Variants in NTRK2 observed in about 807,000 individuals in gnomAD.
NTRK2 encodes the protein neurotrophic receptor tyrosine kinase 2.
A neutral mutation model predicts 94.5 loss-of-function variants in NTRK2; 13 were observed. That is an observed-to-expected ratio of 0.14 (90% CI 0.09 to 0.22). The LOEUF is 0.22. NTRK2 is among the 10% of genes least tolerant of loss of function. The pLI is 1.00. For missense variants in NTRK2, 639 were observed against 1,071.2 expected (o/e 0.60, Z 5.63); for synonymous variants, 372 against 407.4 (o/e 0.91, Z 1.05).
chr9:84,818,701 C>G (rs965291862), intron 12 of NTRK2, among the ~76,000 whole-genome samples: 2 of 152,178 alleles, frequency 1.3e-5, no homozygotes, highest in Admixed American at 6.5e-5. Flanking sequence ...TCTCATCACT[C>G]TTGAACTTTA....
At chr9:84,812,293 G>A (rs1588769409) in intron 12 of NTRK2, 2 of 1,056,992 alleles carry the variant, frequency 1.9e-6, no homozygotes, top group Non-Finnish European at 2.3e-6. Context: ...GCTTGATGAA[G>A]ACCTTTCACA....
intron 14 of NTRK2, among the ~76,000 whole-genome samples, chr9:84,900,653 T>A (rs1442393392): frequency 6.6e-6 from 1 of 152,196 alleles, no homozygotes; most frequent in Non-Finnish European, 1.5e-5. Context: ...TGTGCACTTG[T>A]GAGTCTAACT....
At chr9:84,701,080 C>T (rs1283782803) in intron 2 of NTRK2, among the ~76,000 whole-genome samples, 1 of 152,148 alleles carries the variant, frequency 6.6e-6, no homozygotes, top group African/African-American at 2.4e-5. Context: ...AACTGTAGTA[C>T]AGGGTAGAGT....
chr9:85,008,893 G>T (rs1429058016), intron 17 of NTRK2, among the ~76,000 whole-genome samples: 1 of 152,218 alleles, frequency 6.6e-6, no homozygotes, highest in Admixed American at 6.5e-5. Context: ...CAGCCATAGG[G>T]CTGTTCTCCA....
rs73651153 is a variant in NTRK2 at position 84,947,579 on chromosome 9, G to A, written c.1765-883G>A. 3.4e-3 allele frequency among the ~76,000 whole-genome samples: 513 copies of A among 152,342 alleles called. 5 individuals are homozygous for A. Among genetic ancestry groups the A allele is most frequent in the African/African-American group, 0.011 (474 of 41,574 alleles). ...TAACGTGGATGCATGGGTTTCGAGA[G>A]GAGTGTCAAGGGATTGAGCTGGAGA... is the stretch of plus-strand genomic sequence containing the variant. On this transcript the variant is annotated intron_variant, in intron 15 of 18. Coordinates refer to ENST00000277120, the MANE Select transcript of NTRK2 (RefSeq NM_006180.6).
intron 17 of NTRK2, among the ~76,000 whole-genome samples, chr9:84,974,471 C>G (rs1165460508): frequency 6.6e-6 from 1 of 152,192 alleles, no homozygotes; most frequent in Non-Finnish European, 1.5e-5. Flanking sequence ...TAATTTAGAG[C>G]TGCAGAAGGT....
At chr9:84,907,721 C>G (rs1242635919) in intron 14 of NTRK2, among the ~76,000 whole-genome samples, 1 of 143,196 alleles carries the variant, frequency 7.0e-6, no homozygotes, top group East Asian at 2.1e-4. Flanking sequence ...ACACTCTTTG[C>G]TTTTCCTGGT....
At chr9:84,683,928 C>G (rs1245016219) in intron 2 of NTRK2, among the ~76,000 whole-genome samples, 1 of 152,172 alleles carries the variant, frequency 6.6e-6, no homozygotes, top group Non-Finnish European at 1.5e-5. Context: ...TTGCATTTCT[C>G]TAATGCAATG....
At position 84,792,881 on chromosome 9, in the gene NTRK2, A is replaced by G. The variant is rs117871214; in HGVS notation, c.1396+40796A>G. On this transcript the variant is annotated intron_variant, in intron 12 of 18. Transcript: ENST00000277120. The stretch of plus-strand genomic sequence containing the variant: ...CTAGTCACACTATAAAATAGATATT[A>G]TATAACTTCCCCTAGTCTTAATTTC... 6.6e-5 allele frequency among the ~76,000 whole-genome samples: 10 copies of G among 152,336 alleles called. No individual in the cohort carries two copies. The East Asian group carries it at 1.9e-3, about 29-fold the overall frequency.
In NTRK2 at chr9:84,928,796, G is replaced by T. The variant is rs1010642058; in HGVS notation, c.1634-5366G>T. On this transcript the variant is annotated intron_variant, in intron 14 of 18. Coordinates refer to ENST00000277120, the MANE Select transcript of NTRK2 (RefSeq NM_006180.6). ...GCATTTAGGACCACAGGGAAACCGAGAGAGAGAATTTCGGGAACTCCCAGT... is the reference window on the plus strand; with the variant it reads ...GCATTTAGGACCACAGGGAAACCGATAGAGAGAATTTCGGGAACTCCCAGT... Among the ~76,000 whole-genome samples, 2 of 152,170 alleles carry T rather than the reference G, an allele frequency of 1.3e-5. 1 individual carries two copies. The highest frequency in any genetic ancestry group is 2.9e-5 in the Non-Finnish European group (2 of 68,026).
intron 12 of NTRK2, among the ~76,000 whole-genome samples, chr9:84,791,835 GA>G (rs2068768301): frequency 6.6e-6 from 1 of 152,038 alleles, no homozygotes; most frequent in South Asian, 2.1e-4. Flanking sequence ...ACTCAAGCTT[GA>G]AAAATGTCTA....
At chr9:84,737,264 A>G (rs1467881441) in intron 9 of NTRK2, among the ~76,000 whole-genome samples, 1 of 152,090 alleles carries the variant, frequency 6.6e-6, no homozygotes, top group African/African-American at 2.4e-5. Context: ...TCTTCCCACA[A>G]TATATTTTTT....
chr9:84,778,947 G>T (rs1393635664), intron 12 of NTRK2, among the ~76,000 whole-genome samples: 1 of 152,192 alleles, frequency 6.6e-6, no homozygotes, highest in Non-Finnish European at 1.5e-5. Context: ...ACCCCAGTGA[G>T]ATGCCCTTTT....
chr9:84,720,762 T>C (rs761164138), intron 6 of NTRK2, among the ~76,000 whole-genome samples: 8 of 151,910 alleles, frequency 5.3e-5, no homozygotes, highest in Admixed American at 2.6e-4. Flanking sequence ...GTAAGAGACA[T>C]TGCATCCATG....
chr9:84,694,905 C>T (rs557246471), intron 2 of NTRK2, among the ~76,000 whole-genome samples: 6 of 151,804 alleles, frequency 4.0e-5, no homozygotes, highest in East Asian at 1.9e-4. Flanking sequence ...TGGCCGGGCG[C>T]GGTGGCTCAC....
intron 12 of NTRK2, among the ~76,000 whole-genome samples, chr9:84,777,558 C>T (rs953077923): frequency 4.6e-5 from 7 of 152,032 alleles, no homozygotes; most frequent in African/African-American, 1.2e-4. Context: ...GAAGGAAAAA[C>T]GAATAGTTTT....
At chr9:84,870,148 TAC>T (rs1554757393) in intron 14 of NTRK2, among the ~76,000 whole-genome samples, 17 of 138,520 alleles carry the variant, frequency 1.2e-4, no homozygotes, top group African/African-American at 3.5e-4. Context: ...CACATATATA[TAC>T]ACACACATAC....
At chr9:84,993,987 A>G (rs530806840) in intron 17 of NTRK2, among the ~76,000 whole-genome samples, 2 of 152,294 alleles carry the variant, frequency 1.3e-5, no homozygotes, top group South Asian at 2.1e-4. Flanking sequence ...GTGCAAACCA[A>G]TATTTAGCCA....
chr9:85,023,077 G>A lies in NTRK2; in HGVS notation c.*1640G>A, dbSNP rs192776428. The A allele has an allele frequency of 8.6e-5, 20 of 233,114 alleles. No individual in the cohort carries two copies. Among genetic ancestry groups the A allele is most frequent in the Non-Finnish European group, 1.6e-4 (19 of 117,948 alleles). The allele number at this position is 233,114 out of a possible 1,614,324, so 14.4% of individuals were successfully genotyped here. A position where few individuals can be genotyped will look rare whatever the true frequency, so the allele number is the denominator to read the frequency against. ...AAAATTTGGCACAGCATGCCAACGG[G>A]AGGCTGTGCCCAGACCAAGCACTGG... On this transcript the variant is annotated 3_prime_UTR_variant, in exon 19 of 19. Coordinates refer to ENST00000277120, the MANE Select transcript of NTRK2 (RefSeq NM_006180.6).
Sources: gnomAD v4.1 joint callset for allele counts (sites outside exome capture counted in the v4.1 genomes callset) on GRCh38, gnomAD v4.1.1 for gene constraint, MANE v1.5 for transcripts, NCBI Gene and HGNC (gene_info 2026-07-23, HGNC 2026-07-21) for gene names.